Variants in GABRG3 observed in about 807,000 individuals in gnomAD.
GABRG3 encodes gamma-aminobutyric acid type A receptor subunit gamma3.
Under a neutral mutation model 48.8 loss-of-function variants are expected in GABRG3, and 25 were observed. The ratio of observed to expected loss-of-function variants is 0.51; its 90% CI spans 0.37 to 0.72. The LOEUF is 0.72. Among genes scored for constraint, GABRG3 ranks in the 30% least tolerant of loss-of-function variants. The probability of loss-of-function intolerance (pLI) is 0.00; values close to 1 mark genes in which losing one functional copy is unlikely to be tolerated. For missense variants in GABRG3, 394 were observed against 577.9 expected (o/e 0.68, Z 3.26); for synonymous variants, 227 against 217.6 (o/e 1.04, Z -0.38).
chr15:27,225,262 C>G (rs1193830817), intron 3 of GABRG3, among the ~76,000 whole-genome samples: 1 of 152,018 alleles, frequency 6.6e-6, no homozygotes, highest in African/African-American at 2.4e-5. Flanking sequence ...ATGACAGTGC[C>G]CATAAACTAA....
intron 3 of GABRG3, among the ~76,000 whole-genome samples, chr15:27,151,669 A>G (rs7169935): frequency 0.5 from 76,450 of 151,962 alleles, 19,615 homozygotes; most frequent in African/African-American, 0.57. Context: ...CAGAAAAATA[A>G]ATGTGAAAAG....
rs1328028550 is a variant in GABRG3 at position 27,537,820 on chromosome 15, ATTTATTTAT to A, written c.*4942_*4950del. ...TTCTTTATATTTATTTTTATTATTT[ATTTATTTAT>A]TTATTTATTTATTTATTTATTTATT... On this transcript the variant is annotated 3_prime_UTR_variant, in exon 10 of 10. Transcript: ENST00000615808. The A allele has an allele frequency of 2.1e-4, 25 of 121,458 alleles. No individual in the cohort carries two copies. In the East Asian group the frequency reaches 3.6e-3, roughly 18 times the overall value. The allele number at this position is 121,458 out of a possible 1,614,324, so 7.5% of individuals were successfully genotyped here.
chr15:27,087,754 AGTGT>A (rs1335280123), intron 3 of GABRG3, among the ~76,000 whole-genome samples: 1 of 151,206 alleles, frequency 6.6e-6, no homozygotes, highest in African/African-American at 2.4e-5. Context: ...GGTGTGCTGT[AGTGT>A]GTGGTGTGTG....
intron 6 of GABRG3, among the ~76,000 whole-genome samples, chr15:27,509,180 C>T (rs1349059801): frequency 6.6e-6 from 1 of 152,138 alleles, no homozygotes; most frequent in Non-Finnish European, 1.5e-5. Flanking sequence ...GAGAAGTCTG[C>T]TGTGAATCTT....
At chr15:27,076,427 G>T (rs1486772500) in intron 3 of GABRG3, among the ~76,000 whole-genome samples, 2 of 149,616 alleles carry the variant, frequency 1.3e-5, no homozygotes, top group Non-Finnish European at 3.0e-5. Context: ...GGGTTCAAGC[G>T]ATTCTCCTGC....
At chr15:27,138,003 T>C (rs1461361986) in intron 3 of GABRG3, among the ~76,000 whole-genome samples, 1 of 152,228 alleles carries the variant, frequency 6.6e-6, no homozygotes, top group Admixed American at 6.5e-5. Context: ...CTTTACATTT[T>C]CTGAATTTTC....
chr15:27,429,665 T>C (rs1164414514), intron 5 of GABRG3, among the ~76,000 whole-genome samples: 1 of 152,222 alleles, frequency 6.6e-6, no homozygotes, highest in African/African-American at 2.4e-5. Context: ...GACGATGTGA[T>C]ATATGGCCTT....
chr15:27,080,863 G>A (rs1416673449), intron 3 of GABRG3, among the ~76,000 whole-genome samples: 1 of 152,158 alleles, frequency 6.6e-6, no homozygotes, highest in Non-Finnish European at 1.5e-5. Flanking sequence ...AGCCTGGGAG[G>A]CAAAAGGCCT....
intron 3 of GABRG3, among the ~76,000 whole-genome samples, chr15:27,325,420 G>A (rs544005847): frequency 7.9e-5 from 12 of 152,296 alleles, no homozygotes; most frequent in Admixed American, 3.9e-4. Context: ...GGAAAAGCTC[G>A]CTGAGAACCT....
In GABRG3 at chr15:27,457,792, C is replaced by T. The variant is rs2150834054; in HGVS notation, c.575-22858C>T. Among the ~76,000 whole-genome samples the T allele has an allele frequency of 6.6e-6, 1 of 152,278 alleles. No individual in the cohort carries two copies. The highest frequency in any genetic ancestry group is 2.1e-4 in the South Asian group (1 of 4,826). On this transcript the variant is annotated intron_variant, in intron 5 of 9. Transcript: ENST00000615808. This position sits in a 1 kb window ranked among gnomAD's most constrained non-coding sequence, Gnocchi z 4.4. ...TTCTGCCTGTGTTTCACAAGGGGCT[C>T]TAAAGGACAGAATGTATTTGTCAAA... is the stretch of plus-strand genomic sequence containing the variant.
intron 5 of GABRG3, among the ~76,000 whole-genome samples, chr15:27,463,845 A>G (rs1889522756): frequency 6.6e-6 from 1 of 152,150 alleles, no homozygotes; most frequent in African/African-American, 2.4e-5. Flanking sequence ...TGTTCACTAC[A>G]TCACTCCAAC....
chr15:27,232,768 C>A (rs748025430), intron 3 of GABRG3, among the ~76,000 whole-genome samples: 2 of 152,182 alleles, frequency 1.3e-5, no homozygotes, highest in Non-Finnish European at 2.9e-5. Context: ...TAATTTTCTA[C>A]TAATAAACAT....
chr15:27,438,157 G>T (rs1261303450), intron 5 of GABRG3, among the ~76,000 whole-genome samples: 2 of 152,172 alleles, frequency 1.3e-5, no homozygotes, highest in Non-Finnish European at 2.9e-5. Flanking sequence ...CTTCCTGCAT[G>T]AACAGGATTT....
intron 5 of GABRG3, among the ~76,000 whole-genome samples, chr15:27,336,328 G>A (rs1046085666): frequency 1.3e-5 from 2 of 151,112 alleles, no homozygotes; most frequent in African/African-American, 4.9e-5. Flanking sequence ...GAAAGAAGAT[G>A]AAGAAAAAGG....
chr15:27,464,622 A>G (rs1053518731), intron 5 of GABRG3, among the ~76,000 whole-genome samples: 3 of 152,204 alleles, frequency 2.0e-5, no homozygotes, highest in Non-Finnish European at 4.4e-5. Context: ...AACCCCTCAA[A>G]TACTGTACTT....
intron 3 of GABRG3, among the ~76,000 whole-genome samples, chr15:27,155,318 A>G (rs953317101): frequency 6.6e-6 from 1 of 152,022 alleles, no homozygotes; most frequent in African/African-American, 2.4e-5. Context: ...CATATTAGTA[A>G]TTGCTTGTTG....
At position 27,505,419 on chromosome 15, in the gene GABRG3, G is replaced by C. The variant is rs576996083; in HGVS notation, c.713-14553G>C. 9.2e-5 allele frequency among the ~76,000 whole-genome samples: 14 copies of C among 152,254 alleles called. No individual in the cohort carries two copies. The South Asian group carries it at 2.7e-3, about 29-fold the overall frequency. On this transcript the variant is annotated intron_variant, in intron 6 of 9. Transcript: ENST00000615808. ...AGTCTAGCCTGTAATCAATTAAGGA[G>C]ATAATATTAGCTGTAGTATTTCTGT...
At chr15:27,302,398 A>T (rs943318176) in intron 3 of GABRG3, among the ~76,000 whole-genome samples, 1 of 152,064 alleles carries the variant, frequency 6.6e-6, no homozygotes, top group African/African-American at 2.4e-5. Context: ...AGGGACAGTT[A>T]CACTACATAA....
chr15:27,127,208 G>T (rs1029935), intron 3 of GABRG3, among the ~76,000 whole-genome samples: 38,763 of 151,846 alleles, frequency 0.26, 6,083 homozygotes, highest in Middle Eastern at 0.36. Flanking sequence ...GCAACCCAAG[G>T]GCTCACTGAT....
Sources: allele counts gnomAD v4.1 joint callset (sites outside exome capture counted in the v4.1 genomes callset), GRCh38; gene constraint gnomAD v4.1.1; non-coding constraint Gnocchi (gnomAD v3.1); transcripts MANE v1.5; gene names NCBI Gene and HGNC (gene_info 2026-07-23, HGNC 2026-07-21).